The following LRGUK variants were observed in gnomAD, a reference collection of about 807,000 sequenced individuals.
LRGUK encodes the protein leucine rich repeats and guanylate kinase domain containing.
Under a neutral mutation model 76.0 loss-of-function variants are expected in LRGUK, and 65 were observed. That is an observed-to-expected ratio of 0.85 (90% CI 0.70 to 1.05). LRGUK has a LOEUF of 1.05. Ranked by LOEUF, LRGUK falls within the 50% of genes least tolerant of loss-of-function variation. LRGUK has a pLI of 0.00. For synonymous variants in LRGUK, 268 were observed against 265.6 expected (o/e 1.01, Z -0.09); for missense variants, 758 against 732.8 (o/e 1.03, Z -0.40).
At chr7:134,200,685 A>G (rs963553541) in intron 14 of LRGUK, among the ~76,000 whole-genome samples, 1 of 152,242 alleles carries the variant, frequency 6.6e-6, no homozygotes, top group African/African-American at 2.4e-5. Flanking sequence ...CATATGGTTC[A>G]AATTATTAAT....
intron 5 of LRGUK, among the ~76,000 whole-genome samples, chr7:134,152,697 A>C (rs1798273252): frequency 6.6e-6 from 1 of 152,094 alleles, no homozygotes; most frequent in African/African-American, 2.4e-5. Context: ...AAAGTTGAGC[A>C]TCCAAGTTCA....
intron 5 of LRGUK, among the ~76,000 whole-genome samples, chr7:134,154,704 C>T (rs1048101686): frequency 2.6e-4 from 40 of 152,292 alleles, no homozygotes; most frequent in African/African-American, 9.1e-4. Context: ...TGTTAGTAAC[C>T]GCAATGGTAC....
At chr7:134,268,831 G>A (rs1427351899), downstream of LRGUK, among the ~76,000 whole-genome samples, 4 of 131,826 alleles carry the variant, frequency 3.0e-5, no homozygotes, top group Non-Finnish European at 6.3e-5. Flanking sequence ...CTGGGTCCAC[G>A]CCATTCTCCT....
At chr7:134,193,560 C>T (rs1363801254) in intron 12 of LRGUK, among the ~76,000 whole-genome samples, 2 of 152,134 alleles carry the variant, frequency 1.3e-5, no homozygotes, top group African/African-American at 4.8e-5. Flanking sequence ...AGAAATCCTC[C>T]TGTGTTTGAG....
intron 7 of LRGUK, among the ~76,000 whole-genome samples, chr7:134,169,133 GACACACAC>G (rs36204942): frequency 0.013 from 1,804 of 135,412 alleles, 24 homozygotes; most frequent in East Asian, 0.061. Context: ...AAGGGAAGAA[GACACACAC>G]ACACACACAC....
intron 15 of LRGUK, among the ~76,000 whole-genome samples, chr7:134,219,331 G>A (rs75996455): frequency 0.015 from 2,214 of 152,162 alleles, 24 homozygotes; most frequent in Non-Finnish European, 0.023. Context: ...CACCCAAAAC[G>A]TTTTGTTCCC....
At chr7:134,164,164 TC>T (rs1563155565) in intron 7 of LRGUK, among the ~76,000 whole-genome samples, 1 of 152,208 alleles carries the variant, frequency 6.6e-6, no homozygotes, top group African/African-American at 2.4e-5. Context: ...GATTTAGCCA[TC>T]CTACAATGTA....
intron 19 of LRGUK, among the ~76,000 whole-genome samples, chr7:134,259,408 T>G (rs1802665448): frequency 6.6e-6 from 1 of 151,916 alleles, no homozygotes; most frequent in African/African-American, 2.4e-5. Context: ...TGGGGAGAAC[T>G]CTCTAATGCA....
intron 7 of LRGUK, among the ~76,000 whole-genome samples, chr7:134,167,742 G>T (rs1055555427): frequency 6.6e-6 from 1 of 152,114 alleles, no homozygotes; most frequent in Non-Finnish European, 1.5e-5. Flanking sequence ...ATGACAGCTG[G>T]TGTCTCTGCT....
chr7:134,233,778 C>T (rs188649913), intron 16 of LRGUK, among the ~76,000 whole-genome samples: 31 of 152,190 alleles, frequency 2.0e-4, no homozygotes, highest in African/African-American at 6.0e-4. Context: ...CAGGGATCAA[C>T]GTGAATCTCG....
At chr7:134,185,202 A>T (rs966108631) in intron 11 of LRGUK, among the ~76,000 whole-genome samples, 3 of 152,200 alleles carry the variant, frequency 2.0e-5, no homozygotes, top group African/African-American at 7.2e-5. Flanking sequence ...CATCCAAAAA[A>T]ACAAAAAACC....
chr7:134,138,398 G>A (rs2116828152), intron 2 of LRGUK, among the ~76,000 whole-genome samples: 1 of 151,964 alleles, frequency 6.6e-6, no homozygotes, highest in Non-Finnish European at 1.5e-5. Flanking sequence ...TGCCTAGTTT[G>A]GTGATTTTTT....
In LRGUK at chr7:134,226,218, ATGTGTGTGTGTGTGTGTG is replaced by A. The variant is rs57035440; in HGVS notation, c.1983+4326_1983+4343del. Among the ~76,000 whole-genome samples, 68 of 141,796 alleles carry A rather than the reference ATGTGTGTGTGTGTGTGTG, an allele frequency of 4.8e-4. 1 individual carries two copies. In the East Asian group the frequency reaches 6.2e-3, roughly 13 times the overall value. The allele number at this position is 141,796 out of a possible 152,430, so 93.0% of individuals were successfully genotyped here. A position where few individuals can be genotyped will look rare whatever the true frequency, so the allele number is the denominator to read the frequency against. ...GACAAGGTAGAAATTCCCATCTCCAATGTGTGTGTGTGTGTGTGTGTGTGTGTGTGTGTGTGTGTGTGT... is the reference window on the plus strand; with the variant it reads ...GACAAGGTAGAAATTCCCATCTCCAATGTGTGTGTGTGTGTGTGTGTGTGT... On this transcript the variant is annotated intron_variant, in intron 16 of 19. Transcript: ENST00000285928.
At chr7:134,220,924 C>A (rs1801576893) in intron 15 of LRGUK, among the ~76,000 whole-genome samples, 1 of 152,088 alleles carries the variant, frequency 6.6e-6, no homozygotes, top group Non-Finnish European at 1.5e-5. Flanking sequence ...CCTCTCATAC[C>A]ATGTATTCAA....
In LRGUK at chr7:134,215,604, TA is replaced by T. The variant is rs538467509; in HGVS notation, c.1844-6165del. Among the ~76,000 whole-genome samples, 483 of 149,358 alleles carry T rather than the reference TA, an allele frequency of 3.2e-3. 10 individuals carry two copies. Among genetic ancestry groups the T allele is most frequent in the East Asian group, 0.031 (161 of 5,136 alleles). ...ATGTATACGTTTTATATAAAGCTTT[TA>T]AAAAAAAAAGGCACTTGAGAACAAT... On this transcript the variant is annotated intron_variant, in intron 15 of 19. Transcript: ENST00000285928.
intron 3 of LRGUK, among the ~76,000 whole-genome samples, chr7:134,142,043 C>A (rs1797787482): frequency 6.6e-6 from 1 of 152,170 alleles, no homozygotes; most frequent in Non-Finnish European, 1.5e-5. Context: ...CCAACTACTC[C>A]AGGCTGGCTT....
At chr7:134,178,686 AT>A in intron 10 of LRGUK, 77 bp downstream of exon 10, 3 of 1,071,294 alleles carry the variant, frequency 2.8e-6, no homozygotes, top group Non-Finnish European at 4.1e-6. Context: ...CCTAACCCCT[AT>A]TTTGTGACCC....
In LRGUK at chr7:134,219,694, G is replaced by GTC. The variant is rs1034658537; in HGVS notation, c.1844-2071_1844-2070dup. 4.3e-3 allele frequency among the ~76,000 whole-genome samples: 646 copies of GTC among 150,408 alleles called. 3 individuals carry two copies. Among genetic ancestry groups the GTC allele is most frequent in the African/African-American group, 0.014 (562 of 41,144 alleles). Reference sequence around the variant, plus strand: ...GCACCTCCTTTGTCTCTCTCTCTCTGTCTCTCTCTCTCTCTGTCTCTCTCT... The same window carrying GTC: ...GCACCTCCTTTGTCTCTCTCTCTCTGTCTCTCTCTCTCTCTCTGTCTCTCTCT... On this transcript the variant is annotated intron_variant, in intron 15 of 19. Coordinates refer to the LRGUK transcript ENST00000285928.
chr7:134,215,858 C>CCTAA (rs1159471718), intron 15 of LRGUK, among the ~76,000 whole-genome samples: 1 of 152,076 alleles, frequency 6.6e-6, no homozygotes, highest in African/African-American at 2.4e-5. Context: ...ATAAGAAGGG[C>CCTAA]CTAACCATTT....
Sources: gnomAD v4.1 joint callset for allele counts (sites outside exome capture counted in the v4.1 genomes callset) on GRCh38, gnomAD v4.1.1 for gene constraint, MANE v1.5 for transcripts, NCBI Gene and HGNC (gene_info 2026-07-23, HGNC 2026-07-21) for gene names.